VAX2: variants seen among roughly 807,000 people sequenced by gnomAD.
VAX2 encodes ventral anterior homeobox 2.
VAX2 carries 8 observed loss-of-function variants against 12.5 expected under a neutral mutation model. The observed-to-expected ratio is 0.64, with a 90% CI of 0.37 to 1.15. The LOEUF (loss-of-function observed/expected upper bound fraction) is 1.15. Among genes scored for constraint, VAX2 ranks in the 50% most tolerant of loss-of-function variants. The probability of loss-of-function intolerance (pLI) is 0.01; values close to 1 mark genes in which losing one functional copy is unlikely to be tolerated. For missense variants in VAX2, 476 were observed against 412.9 expected (o/e 1.15, Z -1.32); for synonymous variants, 183 against 187.6 (o/e 0.98, Z 0.20).
At chr2:70,919,085 C>T (rs1191941371) in intron 1 of VAX2, among the ~76,000 whole-genome samples, 4 of 146,646 alleles carry the variant, frequency 2.7e-5, no homozygotes, top group Admixed American at 2.7e-4. Flanking sequence ...GCCTGTAGTC[C>T]CAGTTACTCG....
At chr2:70,918,634 C>T (rs782047823) in intron 1 of VAX2, among the ~76,000 whole-genome samples, 2 of 152,108 alleles carry the variant, frequency 1.3e-5, no homozygotes, top group Non-Finnish European at 2.9e-5. Flanking sequence ...CAGTGGCTCA[C>T]GCCTGTAATC....
intron 2 of VAX2, among the ~76,000 whole-genome samples, chr2:70,932,303 C>T (rs1234161547): frequency 6.6e-6 from 1 of 152,198 alleles, no homozygotes; most frequent in East Asian, 1.9e-4. Context: ...GGGGAGATGT[C>T]TAGCAGGCAG....
chr2:70,916,709 T>A (rs2104770951), intron 1 of VAX2, among the ~76,000 whole-genome samples: 1 of 152,344 alleles, frequency 6.6e-6, no homozygotes, highest in Non-Finnish European at 1.5e-5. Flanking sequence ...TTCCTTTTTT[T>A]CCTGAGTAGT....
intron 1 of VAX2, among the ~76,000 whole-genome samples, chr2:70,919,879 A>G (rs1558659012): frequency 6.6e-6 from 1 of 152,194 alleles, no homozygotes; most frequent in East Asian, 1.9e-4. Context: ...ACAAAATTAA[A>G]TTTAATTAAG....
chr2:70,922,786 C>G (rs1679487778), intron 2 of VAX2, among the ~76,000 whole-genome samples: 1 of 152,204 alleles, frequency 6.6e-6, no homozygotes, highest in Admixed American at 6.5e-5. Context: ...TGCGGGGCCT[C>G]CCTCCAGCTG....
At chr2:70,916,643 T>C (rs1183138515) in intron 1 of VAX2, among the ~76,000 whole-genome samples, 2 of 152,354 alleles carry the variant, frequency 1.3e-5, no homozygotes, top group South Asian at 4.1e-4. Context: ...TTTTGGGAAC[T>C]GTTTTTTCCC....
chr2:70,912,051 T>C (rs1679196857), intron 1 of VAX2, among the ~76,000 whole-genome samples: 1 of 152,264 alleles, frequency 6.6e-6, no homozygotes, highest in South Asian at 2.1e-4. Flanking sequence ...GTTCAAAAGC[T>C]ATGTCTCTAA....
chr2:70,902,368 C>A (rs1678953899), intron 1 of VAX2, among the ~76,000 whole-genome samples: 2 of 152,176 alleles, frequency 1.3e-5, no homozygotes, highest in Admixed American at 1.3e-4. Flanking sequence ...TCAGGAATTC[C>A]AGCAGGTGTG....
At chr2:70,917,177 C>A (rs1285105733) in intron 1 of VAX2, among the ~76,000 whole-genome samples, 2 of 126,752 alleles carry the variant, frequency 1.6e-5, no homozygotes, top group Non-Finnish European at 3.3e-5. Context: ...AAAAAATCAG[C>A]CGCGCATGGT....
rs1259563575 is a variant in VAX2 at position 70,900,834 on chromosome 2, C to A, written c.213C>A (p.Gly71=). ...ACAGCGACGGGCAGCCCGGGCCCGG[C>A]GAGGCAGACCACTGCCGCCGCATAC... is the stretch of plus-strand genomic sequence containing the variant. The part of the protein sequence containing the change: ...GADSDGQPGP[G]EADHCRRILV... Residue 71 remains glycine (G), a synonymous_variant, in exon 1 of 3, where the codon GGC becomes GGA. Coordinates refer to ENST00000234392, the MANE Select transcript of VAX2 (RefSeq NM_012476.3). 2 of 1,460,646 alleles carry A rather than the reference C, an allele frequency of 1.4e-6. No homozygotes were observed. The highest frequency in any genetic ancestry group is 2.9e-5 in the East Asian group (1 of 34,992). 90.5% of individuals were successfully genotyped at this position (1,460,646 alleles called of 1,614,324 possible). A position where few individuals can be genotyped will look rare whatever the true frequency, so the allele number is the denominator to read the frequency against.
At chr2:70,917,308 C>T (rs1018505495) in intron 1 of VAX2, among the ~76,000 whole-genome samples, 8 of 135,558 alleles carry the variant, frequency 5.9e-5, no homozygotes, top group Middle Eastern at 3.7e-3. Context: ...GGGGATAGAG[C>T]GAGACTCTAT....
intron 2 of VAX2, among the ~76,000 whole-genome samples, chr2:70,925,253 G>A (rs1679542157): frequency 6.6e-6 from 1 of 152,196 alleles, no homozygotes; most frequent in African/African-American, 2.4e-5. Flanking sequence ...GGACCCACAG[G>A]GGAAAGGAGT....
At chr2:70,913,662 C>T (rs890613440) in intron 1 of VAX2, among the ~76,000 whole-genome samples, 3 of 151,114 alleles carry the variant, frequency 2.0e-5, no homozygotes, top group Non-Finnish European at 4.4e-5. Flanking sequence ...GGTGACAGAG[C>T]GAGACTCCGA....
At chr2:70,921,371 G>T in intron 2 of VAX2, 86 bp downstream of exon 2, 1 of 1,420,914 alleles carries the variant, frequency 7.0e-7, no homozygotes. Flanking sequence ...GCTGCTACAG[G>T]GAGACCCAAC....
chr2:70,931,412 G>A lies in VAX2; in HGVS notation c.436-1355G>A, dbSNP rs891365584. Among the ~76,000 whole-genome samples, 3 of 152,290 alleles carry A rather than the reference G, an allele frequency of 2.0e-5. No homozygotes were observed. In the South Asian group the frequency reaches 6.2e-4, roughly 32 times the overall value. On this transcript the variant is annotated intron_variant, in intron 2 of 2. Transcript: ENST00000234392. ...GAAACTTGGCCTTTATAGGTGATGG[G>A]GTAGGAGGGTGCTGCTAAAAACTTC... is the stretch of plus-strand genomic sequence containing the variant.
At chr2:70,908,980 CTATT>C (rs1174763358) in intron 1 of VAX2, among the ~76,000 whole-genome samples, 1 of 152,198 alleles carries the variant, frequency 6.6e-6, no homozygotes, top group Non-Finnish European at 1.5e-5. Flanking sequence ...TTTCTTCTAT[CTATT>C]GATTCATTTC....
chr2:70,932,117 A>G (rs1434577004), intron 2 of VAX2, among the ~76,000 whole-genome samples: 4 of 152,164 alleles, frequency 2.6e-5, no homozygotes, highest in African/African-American at 7.2e-5. Context: ...AGACAATGCC[A>G]CGGTCCAGGT....
intron 1 of VAX2, among the ~76,000 whole-genome samples, chr2:70,905,183 T>C (rs1487746135): frequency 6.6e-6 from 1 of 152,090 alleles, no homozygotes; most frequent in Non-Finnish European, 1.5e-5. Context: ...TTAGTCTCAA[T>C]ATCTGAGTCT....
At chr2:70,909,938 T>C (rs547781481) in intron 1 of VAX2, among the ~76,000 whole-genome samples, 2 of 152,308 alleles carry the variant, frequency 1.3e-5, no homozygotes, top group East Asian at 1.9e-4. Context: ...AGGCAACACC[T>C]ACCTCATTTA....
Sources: allele counts gnomAD v4.1 joint callset (sites outside exome capture counted in the v4.1 genomes callset), GRCh38; gene constraint gnomAD v4.1.1; transcripts MANE v1.5; gene names NCBI Gene and HGNC (gene_info 2026-07-23, HGNC 2026-07-21).